AGTPBP1: variants seen among roughly 807,000 people sequenced by gnomAD.
AGTPBP1 encodes the protein cytosolic carboxypeptidase 1.
A neutral mutation model predicts 143.9 loss-of-function variants in AGTPBP1; 70 were observed. The ratio of observed to expected loss-of-function variants is 0.49; its 90% confidence interval spans 0.40 to 0.59. The LOEUF (loss-of-function observed/expected upper bound fraction) is 0.59. Ranked by LOEUF, AGTPBP1 falls within the 20% of genes least tolerant of loss-of-function variation. The pLI, the probability that AGTPBP1 is intolerant of heterozygous loss-of-function variation, is 0.00. For synonymous variants in AGTPBP1, 463 were observed against 500.2 expected (o/e 0.93, Z 0.99); for missense variants, 1,229 against 1,464.5 (o/e 0.84, Z 2.62).
At chr9:85,780,973 C>T in the AGTPBP1 span, among the ~76,000 whole-genome samples, 3 of 151,954 alleles carry the variant, frequency 2.0e-5, no homozygotes, top group Admixed American at 6.6e-5. Flanking sequence ...AAAAATTAGC[C>T]GGGCGTGGTG....
At chr9:85,687,814 G>C (rs1196970352) in intron 3 of AGTPBP1, among the ~76,000 whole-genome samples, 1 of 152,170 alleles carries the variant, frequency 6.6e-6, no homozygotes, top group African/African-American at 2.4e-5. Flanking sequence ...TGGCGGCCAG[G>C]CGCGGTGGCT....
At chr9:85,667,971 T>C (rs1834230877) in intron 8 of AGTPBP1, among the ~76,000 whole-genome samples, 1 of 150,722 alleles carries the variant, frequency 6.6e-6, no homozygotes, top group Non-Finnish European at 1.5e-5. Flanking sequence ...CCGTTAATAT[T>C]GTTGGGCACA....
intron 14 of AGTPBP1, among the ~76,000 whole-genome samples, chr9:85,632,251 G>A (rs2133701976): frequency 6.6e-6 from 1 of 152,136 alleles, no homozygotes; most frequent in African/African-American, 2.4e-5. Flanking sequence ...AATCACTGTT[G>A]ATTGTAGTTG....
intron 1 of AGTPBP1, among the ~76,000 whole-genome samples, chr9:85,720,281 C>T (rs867625830): frequency 3.3e-5 from 5 of 152,100 alleles, no homozygotes; most frequent in East Asian, 1.9e-4. Flanking sequence ...GCTGTGAATC[C>T]GTCTGGTCCC....
intron 2 of AGTPBP1, among the ~76,000 whole-genome samples, chr9:85,707,855 T>C (rs936542718): frequency 7.9e-5 from 12 of 151,556 alleles, no homozygotes; most frequent in Non-Finnish European, 1.3e-4. Context: ...TAAGTGGCAG[T>C]TGAACAATAA....
chr9:85,586,887 T>C lies in AGTPBP1; in HGVS notation c.2977A>G (p.Ile993Val), dbSNP rs766570911. Residue 993 changes from isoleucine (I) to valine (V), a missense_variant, in exon 22 of 26, where the codon ATT becomes GTT. Ile to Val is a conservative substitution (Grantham distance 29). Transcript: ENST00000357081. ...QSPSPDLHPT[I>V]YHAKGLLQYL... is the part of the protein sequence containing the mutation. Reference sequence around the variant, plus strand: ...TGCAACAGCCCCTTAGCATGGTAAATTGTAGGATGTAAATCCGGACTTGGA... The same window carrying C: ...TGCAACAGCCCCTTAGCATGGTAAACTGTAGGATGTAAATCCGGACTTGGA... The C allele has an allele frequency of 3.7e-6, 6 of 1,614,078 alleles. No homozygotes were observed. Among genetic ancestry groups the C allele is most frequent in the East Asian group, 2.2e-5 (1 of 44,848 alleles).
intron 2 of AGTPBP1, among the ~76,000 whole-genome samples, chr9:85,700,766 CA>C (rs1372150655): frequency 6.6e-6 from 1 of 152,170 alleles, no homozygotes; most frequent in African/African-American, 2.4e-5. Flanking sequence ...TCAGGAAAAG[CA>C]GAGCCATTCT....
intron 1 of AGTPBP1, among the ~76,000 whole-genome samples, chr9:85,716,253 G>C (rs1302883746): frequency 6.6e-6 from 1 of 152,170 alleles, no homozygotes; most frequent in Non-Finnish European, 1.5e-5. Flanking sequence ...TCTTGGAAAT[G>C]CTTTCTTCAT....
intron 14 of AGTPBP1, among the ~76,000 whole-genome samples, chr9:85,626,305 C>T (rs548030394): frequency 2.6e-5 from 4 of 152,154 alleles, no homozygotes; most frequent in South Asian, 4.2e-4. Flanking sequence ...AGTGATTGCA[C>T]ATAAGAAAAC....
chr9:85,657,810 G>A (rs1240902753), intron 9 of AGTPBP1, among the ~76,000 whole-genome samples, 167 bp from the exon 10 acceptor site: 3 of 152,052 alleles, frequency 2.0e-5, no homozygotes, highest in Non-Finnish European at 4.4e-5. Flanking sequence ...AAATAAATAT[G>A]AAGTTCCAGA....
At chr9:85,568,155 CTT>C (rs1385430230) in intron 25 of AGTPBP1, among the ~76,000 whole-genome samples, 3 of 152,152 alleles carry the variant, frequency 2.0e-5, no homozygotes, top group African/African-American at 7.2e-5. Context: ...TCCACAAACT[CTT>C]TGTTACTGGC....
Position 85,652,523 on chromosome 9 carries a change from AAAC to A in AGTPBP1, c.1087+2617_1087+2619del, listed in dbSNP as rs943385081. Among the ~76,000 whole-genome samples the A allele has an allele frequency of 2.6e-5, 4 of 152,134 alleles. No individual in the cohort carries two copies. The South Asian group carries it at 8.3e-4, about 32-fold the overall frequency. On this transcript the variant is annotated intron_variant, in intron 11 of 25. Transcript: ENST00000357081. ...GAGACTTCATCTCAAAAAAAGAAAA[AAAC>A]AACACACCACTCAGAGTTTCTGAGT...
In AGTPBP1 at chr9:85,741,783, G is replaced by T; in HGVS notation, c.-42C>A. ...TGCAGCAGGGCGCTCACCGGCTCAGGATGGGGCGCTGGCGGGGACCGCGCA... is the reference window on the plus strand; with the variant it reads ...TGCAGCAGGGCGCTCACCGGCTCAGTATGGGGCGCTGGCGGGGACCGCGCA... On this transcript the variant is annotated 5_prime_UTR_variant, in exon 1 of 26. Coordinates refer to ENST00000357081, the MANE Select transcript of AGTPBP1 (RefSeq NM_001330701.2). 1 of 1,351,360 alleles carries T rather than the reference G, an allele frequency of 7.4e-7. No homozygotes were observed. The highest frequency in any genetic ancestry group is 9.5e-7 in the Non-Finnish European group (1 of 1,053,808). 83.7% of individuals were successfully genotyped at this position (1,351,360 alleles called of 1,614,324 possible).
At chr9:85,570,630 C>T (rs1388317892) in intron 25 of AGTPBP1, among the ~76,000 whole-genome samples, 1 of 152,196 alleles carries the variant, frequency 6.6e-6, no homozygotes, top group Admixed American at 6.5e-5. Flanking sequence ...ATACTATCGA[C>T]TCCCCTCAGG....
At chr9:85,547,367 T>A in intron 25 of AGTPBP1, 81 bp from the exon 26 acceptor site, 1 of 1,187,804 alleles carries the variant, frequency 8.4e-7, no homozygotes, top group Non-Finnish European at 1.1e-6. Flanking sequence ...CATACTGGAC[T>A]AACTTTGATT....
At chr9:85,798,203 CAT>C in the AGTPBP1 span, among the ~76,000 whole-genome samples, 1 of 151,878 alleles carries the variant, frequency 6.6e-6, no homozygotes, top group Admixed American at 6.6e-5. Context: ...TGCCCAGCCA[CAT>C]GTTTTTCTGT....
At chr9:85,717,084 C>G (rs1480947941) in intron 1 of AGTPBP1, among the ~76,000 whole-genome samples, 1 of 152,210 alleles carries the variant, frequency 6.6e-6, no homozygotes, top group African/African-American at 2.4e-5. Context: ...TCAATACAAC[C>G]CATCCCAACC....
chr9:85,671,043 G>C (rs1318211484), intron 7 of AGTPBP1, among the ~76,000 whole-genome samples: 3 of 152,050 alleles, frequency 2.0e-5, no homozygotes, highest in Admixed American at 1.3e-4. Context: ...CTGGGCTCAA[G>C]AAATCCTCCC....
intron 17 of AGTPBP1, among the ~76,000 whole-genome samples, chr9:85,616,661 C>T (rs530618681): frequency 6.3e-4 from 95 of 151,894 alleles, no homozygotes; most frequent in African/African-American, 2.3e-3. Flanking sequence ...TTCTTTTCTC[C>T]TCTAAAAATA....
Sources: gnomAD v4.1 joint callset for allele counts (sites outside exome capture counted in the v4.1 genomes callset) on GRCh38, gnomAD v4.1.1 for gene constraint, MANE v1.5 for transcripts, NCBI Gene and HGNC (gene_info 2026-07-23, HGNC 2026-07-21) for gene names.